GRM8: variants seen among roughly 807,000 people sequenced by gnomAD.
GRM8 encodes the protein metabotropic glutamate receptor 8.
In GRM8, 47 loss-of-function variants were observed where a neutral mutation model predicts 87.2. The ratio of observed to expected loss-of-function variants is 0.54; its 90% CI spans 0.43 to 0.69. The LOEUF is 0.69. Ranked by LOEUF, GRM8 falls within the 30% of genes least tolerant of loss-of-function variation. GRM8 has a pLI of 0.00. For missense variants in GRM8, 1,019 were observed against 1,139.2 expected (o/e 0.89, Z 1.52); for synonymous variants, 396 against 404.5 (o/e 0.98, Z 0.25).
intron 3 of GRM8, among the ~76,000 whole-genome samples, chr7:126,937,063 G>T (rs1375051179): frequency 6.6e-6 from 1 of 152,152 alleles, no homozygotes; most frequent in Non-Finnish European, 1.5e-5. Context: ...ACTCCTGCTA[G>T]AAAAGCCAAC....
At chr7:126,742,103 G>C (rs537934365) in intron 7 of GRM8, among the ~76,000 whole-genome samples, 2 of 151,916 alleles carry the variant, frequency 1.3e-5, no homozygotes, top group East Asian at 3.9e-4. Flanking sequence ...TGCAAACCCT[G>C]TATTTTCCAT....
intron 2 of GRM8, among the ~76,000 whole-genome samples, chr7:127,158,599 C>T (rs1044379884): frequency 1.3e-5 from 2 of 152,218 alleles, no homozygotes; most frequent in African/African-American, 4.8e-5. Flanking sequence ...AAAGATGGCA[C>T]CTTGCTAATG....
chr7:126,912,901 C>G (rs1232103961), intron 3 of GRM8, among the ~76,000 whole-genome samples: 1 of 152,116 alleles, frequency 6.6e-6, no homozygotes, highest in Non-Finnish European at 1.5e-5. Flanking sequence ...TCTTGTTGCA[C>G]AAACAAAGGC....
At chr7:126,552,762 C>A (rs961418898) in intron 8 of GRM8, among the ~76,000 whole-genome samples, 3 of 151,996 alleles carry the variant, frequency 2.0e-5, no homozygotes, top group African/African-American at 7.2e-5. Context: ...TATCTTTTGT[C>A]ATTATAAATT....
At chr7:127,037,420 T>C (rs1414270906) in intron 3 of GRM8, among the ~76,000 whole-genome samples, 2 of 152,168 alleles carry the variant, frequency 1.3e-5, no homozygotes, top group East Asian at 3.9e-4. Context: ...GTCTCTCACC[T>C]GTCTGAGCCT....
intron 2 of GRM8, among the ~76,000 whole-genome samples, chr7:127,196,841 A>G (rs1327473086): frequency 1.3e-5 from 2 of 152,146 alleles, no homozygotes; most frequent in Non-Finnish European, 2.9e-5. Context: ...GTGCTATCAT[A>G]TGGTTTTGGT....
intron 7 of GRM8, among the ~76,000 whole-genome samples, chr7:126,612,175 C>T (rs140363636): frequency 5.3e-5 from 8 of 152,204 alleles, no homozygotes; most frequent in South Asian, 4.1e-4. Flanking sequence ...CATCATATTA[C>T]GTATTAACTA....
chr7:126,691,728 G>A (rs1808834476), intron 7 of GRM8, among the ~76,000 whole-genome samples: 2 of 152,172 alleles, frequency 1.3e-5, no homozygotes, highest in African/African-American at 2.4e-5. Flanking sequence ...AAGGATGAAA[G>A]TAAGCATGCA....
At chr7:126,840,910 A>G (rs1586155572) in intron 6 of GRM8, among the ~76,000 whole-genome samples, 1 of 152,262 alleles carries the variant, frequency 6.6e-6, no homozygotes, top group Non-Finnish European at 1.5e-5. Flanking sequence ...TGAAAATGTA[A>G]CAAAGAAGAT....
intron 6 of GRM8, among the ~76,000 whole-genome samples, chr7:126,895,423 C>T (rs1165613618): frequency 2.6e-5 from 4 of 152,036 alleles, no homozygotes; most frequent in African/African-American, 9.7e-5. Context: ...TCACCTGGAA[C>T]TCATCAGAAA....
chr7:127,019,834 T>C (rs1013408239), intron 3 of GRM8, among the ~76,000 whole-genome samples: 11 of 152,232 alleles, frequency 7.2e-5, no homozygotes, highest in East Asian at 1.9e-4. Context: ...AATACCTATA[T>C]TTTGTGAGTA....
intron 9 of GRM8, among the ~76,000 whole-genome samples, chr7:126,450,925 C>G (rs1802549162): frequency 6.6e-6 from 1 of 151,810 alleles, no homozygotes; most frequent in Non-Finnish European, 1.5e-5. Context: ...ATTAGAATTA[C>G]ACCCTTAAAC....
chr7:126,508,035 C>G (rs1299725487), intron 9 of GRM8, among the ~76,000 whole-genome samples: 1 of 152,040 alleles, frequency 6.6e-6, no homozygotes, highest in East Asian at 1.9e-4. Context: ...AAGTATAGAA[C>G]GTCAACAAGT....
chr7:126,509,429 G>C (rs1584879661), intron 9 of GRM8, among the ~76,000 whole-genome samples: 1 of 152,014 alleles, frequency 6.6e-6, no homozygotes, highest in Non-Finnish European at 1.5e-5. Context: ...AACGTGGAGA[G>C]GAGTGATGAA....
At chr7:126,698,673 C>G (rs1809627589) in intron 7 of GRM8, among the ~76,000 whole-genome samples, 1 of 152,092 alleles carries the variant, frequency 6.6e-6, no homozygotes, top group South Asian at 2.1e-4. Context: ...AATTTAACAA[C>G]TGTCATAAAT....
chr7:126,799,111 G>A (rs1234204538), intron 6 of GRM8, among the ~76,000 whole-genome samples: 2 of 152,054 alleles, frequency 1.3e-5, no homozygotes, highest in African/African-American at 4.8e-5. Context: ...CTCATCTCTT[G>A]CTGCCCGAAG....
intron 9 of GRM8, among the ~76,000 whole-genome samples, chr7:126,450,632 T>C (rs1168078988): frequency 6.6e-6 from 1 of 151,820 alleles, no homozygotes; most frequent in Non-Finnish European, 1.5e-5. Context: ...GTGATTTTTT[T>C]TTTTTAAAGA....
In GRM8 at chr7:127,083,736, C is replaced by T. The variant is rs541089986; in HGVS notation, c.727+22760G>A. 1.4e-4 allele frequency among the ~76,000 whole-genome samples: 21 copies of T among 152,234 alleles called. 1 individual carries two copies. The South Asian group carries it at 4.4e-3, about 32-fold the overall frequency. ...TTGCAAATGCTGCCCCCCTCTTTCA[C>T]AAAAGGAATGCTGCTCCCTTTTCCC... On this transcript the variant is annotated intron_variant, in intron 3 of 10. Transcript: ENST00000339582.
intron 7 of GRM8, among the ~76,000 whole-genome samples, chr7:126,722,662 A>G (rs1812510914): frequency 6.6e-6 from 1 of 152,074 alleles, no homozygotes; most frequent in South Asian, 2.1e-4. Context: ...AACCAAGCAC[A>G]AGCAAGAATG....
Sources: allele counts gnomAD v4.1 joint callset (sites outside exome capture counted in the v4.1 genomes callset), GRCh38; gene constraint gnomAD v4.1.1; transcripts MANE v1.5; gene names NCBI Gene and HGNC (gene_info 2026-07-23, HGNC 2026-07-21).